The following RERE variants were observed in gnomAD, a reference collection of about 807,000 sequenced individuals.
The protein encoded by RERE is arginine-glutamic acid dipeptide repeats protein.
Under a neutral mutation model 146.1 loss-of-function variants are expected in RERE, and 40 were observed. That is an observed-to-expected ratio of 0.27 (90% CI 0.21 to 0.36). The LOEUF is 0.36. RERE is among the 10% of genes least tolerant of loss of function. The pLI is 1.00. For synonymous variants in RERE, 1,003 were observed against 866.0 expected (o/e 1.16, Z -2.78); for missense variants, 1,933 against 2,138.7 (o/e 0.90, Z 1.90).
intron 12 of RERE, among the ~76,000 whole-genome samples, chr1:8,416,169 T>A (rs1643753021): frequency 6.6e-6 from 1 of 152,238 alleles, no homozygotes; most frequent in Admixed American, 6.5e-5. Context: ...TGGCAAGGTC[T>A]AACTAGACTG....
chr1:8,381,774 T>C (rs1642469481), intron 12 of RERE, among the ~76,000 whole-genome samples: 1 of 152,192 alleles, frequency 6.6e-6, no homozygotes. Flanking sequence ...TTCCTGCACA[T>C]ACACGTATGC....
chr1:8,724,752 C>T (rs1156863755), intron 1 of RERE, among the ~76,000 whole-genome samples: 3 of 151,844 alleles, frequency 2.0e-5, no homozygotes, highest in Admixed American at 6.6e-5. Flanking sequence ...TCCCTTGAAC[C>T]CGGGAGGTGG....
intron 11 of RERE, among the ~76,000 whole-genome samples, chr1:8,464,551 G>A (rs1191857470): frequency 6.6e-6 from 1 of 152,086 alleles, no homozygotes. Flanking sequence ...CCTGACAGCA[G>A]GCCAACAGGT....
rs75018300 is a variant in RERE at position 8,594,872 on chromosome 1, C to T, written c.522+19689G>A. On this transcript the variant is annotated intron_variant, in intron 4 of 22. Transcript: ENST00000400908. ...GCAAAAGCATATTATTAAAAAGCTG[C>T]GGGGGCCAGGCACAGTGGCTCACAC... Among the ~76,000 whole-genome samples the T allele has an allele frequency of 3.7e-4, 57 of 152,154 alleles. No homozygotes were observed. The East Asian group carries it at 7.3e-3, about 20-fold the overall frequency.
intron 16 of RERE, among the ~76,000 whole-genome samples, chr1:8,362,156 C>T (rs751233039): frequency 3.3e-5 from 5 of 152,194 alleles, no homozygotes; most frequent in Admixed American, 6.5e-5. Flanking sequence ...CTATACTGAA[C>T]GTGCACACAA....
chr1:8,365,712 A>G, intron 13 of RERE, 100 bp downstream of exon 13: 1 of 1,373,984 alleles, frequency 7.3e-7, no homozygotes, highest in Non-Finnish European at 1.0e-6. Context: ...ACACCCCCTC[A>G]TGCTTCCCGG....
At chr1:8,543,525 A>G (rs1410760017) in intron 6 of RERE, among the ~76,000 whole-genome samples, 1 of 152,210 alleles carries the variant, frequency 6.6e-6, no homozygotes, top group Non-Finnish European at 1.5e-5. Context: ...GGAGTAATTA[A>G]TGTATCAATT....
chr1:8,765,772 T>G (rs1032880835), intron 1 of RERE, among the ~76,000 whole-genome samples: 1 of 152,144 alleles, frequency 6.6e-6, no homozygotes, highest in Non-Finnish European at 1.5e-5. Context: ...GCCAACATGG[T>G]GAAACCCCGT....
chr1:8,361,429 A>C lies in RERE; in HGVS notation c.2078T>G (p.Val693Gly), dbSNP rs1242237282. The change falls in exon 18 of 23, where the codon GTC becomes GGC. Residue 693 changes from valine (V) to glycine (G), a missense_variant. Physicochemically the swap from Val to Gly is moderately radical, Grantham distance 109. This residue lies in a region of RERE where 1,255 missense variants were observed against 1,153.8 expected (regional missense o/e 1.09). Coordinates refer to ENST00000400908, the MANE Select transcript of RERE (RefSeq NM_001042681.2). Reference sequence around the variant, plus strand: ...GGGGTCACTGCTACCCTCATCGTTGACGCTGCGACTGTCTGAACTCTCTCC... The same window carrying C: ...GGGGTCACTGCTACCCTCATCGTTGCCGCTGCGACTGTCTGAACTCTCTCC... ...GEGESSDSRS[V>G]NDEGSSDPKD... 6.2e-7 allele frequency: 1 copy of C among 1,613,744 alleles called. No homozygotes were observed. Among genetic ancestry groups the C allele is most frequent in the South Asian group, 1.1e-5 (1 of 91,078 alleles).
chr1:8,609,416 T>C (rs1646763743), intron 4 of RERE, among the ~76,000 whole-genome samples: 1 of 151,908 alleles, frequency 6.6e-6, no homozygotes, highest in Non-Finnish European at 1.5e-5. Flanking sequence ...CAGCTAGTAA[T>C]CATCTTTCAT....
intron 1 of RERE, among the ~76,000 whole-genome samples, chr1:8,703,565 C>T (rs1041516539): frequency 5.3e-5 from 8 of 152,202 alleles, no homozygotes; most frequent in African/African-American, 1.9e-4. Context: ...CGTTGCTTGG[C>T]CAGCCTCCAC....
chr1:8,696,801 T>G (rs1482746080), intron 1 of RERE, among the ~76,000 whole-genome samples: 1 of 152,018 alleles, frequency 6.6e-6, no homozygotes, highest in African/African-American at 2.4e-5. Context: ...TCCCAGCTAC[T>G]CAGGAGGCTG....
rs184360160 is a variant in RERE at position 8,468,292 on chromosome 1, G to C, written c.1105-2269C>G. ...AAATGTTTGAAAACTATCCAACCTA[G>C]GCTTCTTTCAGACGTATAAAAAGAT... On this transcript the variant is annotated intron_variant, in intron 10 of 22. Transcript: ENST00000400908. Among the ~76,000 whole-genome samples the C allele has an allele frequency of 4.9e-3, 746 of 152,006 alleles. 3 individuals carry two copies. The highest frequency in any genetic ancestry group is 0.031 in the Middle Eastern group (9 of 292).
chr1:8,550,246 T>A (rs1323802278), intron 6 of RERE, among the ~76,000 whole-genome samples: 2 of 152,222 alleles, frequency 1.3e-5, no homozygotes, highest in Non-Finnish European at 2.9e-5. Flanking sequence ...AATATCTTAC[T>A]GGGTAGGTTC....
chr1:8,363,549 C>A (rs983109966), intron 15 of RERE, among the ~76,000 whole-genome samples: 6 of 152,322 alleles, frequency 3.9e-5, no homozygotes, highest in African/African-American at 1.4e-4. Context: ...GTACCCTCAG[C>A]CCCAAACCTG....
At chr1:8,403,570 T>C (rs1643338415) in intron 12 of RERE, among the ~76,000 whole-genome samples, 1 of 151,744 alleles carries the variant, frequency 6.6e-6, no homozygotes, top group African/African-American at 2.4e-5. Context: ...TTCACCATGC[T>C]GGCCAGGCTA....
chr1:8,516,630 C>G (rs1047813535), intron 7 of RERE, among the ~76,000 whole-genome samples: 1 of 152,174 alleles, frequency 6.6e-6, no homozygotes, highest in African/African-American at 2.4e-5. Flanking sequence ...GAATCCTACT[C>G]AAGGTCAGCT....
chr1:8,656,470 G>A (rs747330304), intron 1 of RERE, 29 bp from the exon 2 acceptor site: 63 of 834,412 alleles, frequency 7.6e-5, no homozygotes, highest in Non-Finnish European at 1.0e-4. Flanking sequence ...TGGTTTTAAC[G>A]CTTTTTCATA....
Position 8,364,369 on chromosome 1 carries a change from T to C in RERE, c.1541-114A>G. ...CCCAAACCTGATGCCACCAGCACCA[T>C]GCAGCCCTGGGCCCCAACACCCCAG... On this transcript the variant is annotated intron_variant, in intron 14 of 22. Coordinates refer to ENST00000400908, the MANE Select transcript of RERE (RefSeq NM_001042681.2). This position sits in a 1 kb window ranked among gnomAD's most constrained non-coding sequence, Gnocchi z 5.1. 2.2e-6 allele frequency: 2 copies of C among 918,052 alleles called. No homozygotes were observed. Among genetic ancestry groups the C allele is most frequent in the South Asian group, 1.4e-5 (1 of 69,536 alleles). The allele number at this position is 918,052 out of a possible 1,614,324, so 56.9% of individuals were successfully genotyped here.
Sources: allele counts gnomAD v4.1 joint callset (sites outside exome capture counted in the v4.1 genomes callset), GRCh38; gene constraint gnomAD v4.1.1; regional missense constraint gnomAD v4.1.1; non-coding constraint Gnocchi (gnomAD v3.1); transcripts MANE v1.5; gene names NCBI Gene and HGNC (gene_info 2026-07-23, HGNC 2026-07-21).